The following CCDC141 variants were observed in gnomAD, a reference collection of about 807,000 sequenced individuals.
The protein encoded by CCDC141 is coiled-coil domain-containing protein 141.
In CCDC141, 168 loss-of-function variants were observed where a neutral mutation model predicts 181.0. That is an observed-to-expected ratio of 0.93 (90% CI 0.82 to 1.05). The LOEUF is 1.05. Among genes scored for constraint, CCDC141 ranks in the 50% least tolerant of loss-of-function variants. CCDC141 has a pLI of 0.00. For synonymous variants in CCDC141, 666 were observed against 642.3 expected (o/e 1.04, Z -0.56); for missense variants, 1,902 against 1,788.5 (o/e 1.06, Z -1.14).
intron 2 of CCDC141, among the ~76,000 whole-genome samples, chr2:179,026,614 A>C (rs2042853218): frequency 6.6e-6 from 1 of 152,220 alleles, no homozygotes; most frequent in Admixed American, 6.5e-5. Context: ...TACCCCCAGC[A>C]GCAGTGCCTA....
chr2:179,041,900 C>G (rs1432122217), intron 2 of CCDC141, among the ~76,000 whole-genome samples: 1 of 152,020 alleles, frequency 6.6e-6, no homozygotes, highest in African/African-American at 2.4e-5. Flanking sequence ...ACAGGAGTAC[C>G]CAGATTCATA....
intron 4 of CCDC141, 142 bp from the exon 5 acceptor site, chr2:178,961,625 A>G: frequency 1.3e-6 from 1 of 750,996 alleles, no homozygotes; most frequent in Non-Finnish European, 2.1e-6. Flanking sequence ...TAAAATATGT[A>G]AACAGAAACT....
chr2:178,922,468 T>G (rs966178341), intron 6 of CCDC141, among the ~76,000 whole-genome samples: 1 of 152,164 alleles, frequency 6.6e-6, no homozygotes, highest in Non-Finnish European at 1.5e-5. Flanking sequence ...ACCATATTAT[T>G]TTGGAATTGC....
chr2:178,882,624 G>A (rs1228784859), intron 11 of CCDC141, among the ~76,000 whole-genome samples: 1 of 152,062 alleles, frequency 6.6e-6, no homozygotes, highest in Non-Finnish European at 1.5e-5. Flanking sequence ...CATTGGATGA[G>A]ATTTAGGGAT....
intron 3 of CCDC141, among the ~76,000 whole-genome samples, chr2:178,977,471 A>C (rs556162167): frequency 2.0e-5 from 3 of 152,274 alleles, no homozygotes; most frequent in African/African-American, 7.2e-5. Flanking sequence ...GGGAAGAAAG[A>C]TGGTGTATGA....
chr2:178,988,459 TA>T (rs1233054207), intron 2 of CCDC141, among the ~76,000 whole-genome samples: 1 of 148,874 alleles, frequency 6.7e-6, no homozygotes, highest in East Asian at 1.9e-4. Flanking sequence ...CCCTAAAACT[TA>T]AAGTATAATA....
chr2:178,978,668 T>C lies in CCDC141; in HGVS notation c.233A>G (p.Glu78Gly). 6.5e-7 allele frequency: 1 copy of C among 1,535,382 alleles called. No individual in the cohort carries two copies. The highest frequency in any genetic ancestry group is 2.5e-5 in the East Asian group (1 of 40,054). The change falls in exon 3 of 24, where the codon GAA becomes GGA. Residue 78 changes from glutamate to glycine, a missense_variant. Physicochemically the swap from Glu to Gly is moderately conservative, Grantham distance 98. Transcript: ENST00000443758. ...ELLLAKLKAL[E>G]DRVWELLQEA... ...CTGCAAGAGTTCCCATACCCGATCT[T>C]CCAAAGCCTAAGTACAAAAGAAAAA...
intron 2 of CCDC141, among the ~76,000 whole-genome samples, chr2:179,015,412 A>AT (rs1559049649): frequency 1.7e-4 from 22 of 129,834 alleles, no homozygotes; most frequent in South Asian, 4.8e-4. Context: ...TCATATATGT[A>AT]CCATATATCT....
chr2:178,987,827 T>C (rs1203623564), intron 2 of CCDC141, among the ~76,000 whole-genome samples: 15 of 149,942 alleles, frequency 1.0e-4, no homozygotes, highest in Non-Finnish European at 1.5e-5. Flanking sequence ...CAACAGGTGC[T>C]GGAGAGGATG....
At chr2:178,914,674 G>T (rs907780432) in intron 7 of CCDC141, among the ~76,000 whole-genome samples, 1 of 152,170 alleles carries the variant, frequency 6.6e-6, no homozygotes, top group African/African-American at 2.4e-5. Context: ...CACAAATTTT[G>T]TAAGTTTTGT....
Position 178,865,655 on chromosome 2 carries a change from T to C in CCDC141, c.2724+112A>G, listed in dbSNP as rs78925638. 1,090 of 987,822 alleles carry C rather than the reference T, an allele frequency of 1.1e-3. 9 individuals are homozygous for C. The African/African-American group carries it at 0.017, about 15-fold the overall frequency. 61.2% of individuals were successfully genotyped at this position (987,822 alleles called of 1,614,324 possible). A position where few individuals can be genotyped will look rare whatever the true frequency, so the allele number is the denominator to read the frequency against. ...AGTGAGAAGAAAGTCTCCTGATTCATTGTGTGTTTGCATGTGTGTGGGAGT... is the reference window on the plus strand; with the variant it reads ...AGTGAGAAGAAAGTCTCCTGATTCACTGTGTGTTTGCATGTGTGTGGGAGT... On this transcript the variant is annotated intron_variant, in intron 17 of 23. Transcript: ENST00000443758.
intron 5 of CCDC141, among the ~76,000 whole-genome samples, chr2:178,948,136 G>A (rs1435753300): frequency 6.6e-6 from 1 of 151,968 alleles, no homozygotes; most frequent in Non-Finnish European, 1.5e-5. Context: ...GCAAAGTTGA[G>A]GCTGCAATGA....
At chr2:178,825,617 A>AC (rs1315207339), downstream of CCDC141, 2 of 57,498 alleles carry the variant, frequency 3.5e-5, no homozygotes, top group Non-Finnish European at 6.3e-5. Context: ...TCTGCCCCCC[A>AC]CCCCCCACCC....
intron 2 of CCDC141, among the ~76,000 whole-genome samples, chr2:178,999,083 C>T (rs1692411726): frequency 6.6e-6 from 1 of 152,100 alleles, no homozygotes; most frequent in Non-Finnish European, 1.5e-5. Context: ...AACACATGAG[C>T]TCTTAAATCT....
At chr2:179,032,473 C>T (rs1321691014) in intron 2 of CCDC141, among the ~76,000 whole-genome samples, 1 of 152,206 alleles carries the variant, frequency 6.6e-6, no homozygotes, top group African/African-American at 2.4e-5. Context: ...TTTTCCTCTG[C>T]TCACAACTAA....
rs907922793 is a variant in CCDC141 at position 178,952,571 on chromosome 2, G to A, written c.781-7920C>T. On this transcript the variant is annotated intron_variant, in intron 5 of 23. Transcript: ENST00000443758. ...CCTTTGAACTGCAGTGCCATTGGAA[G>A]CAATAGTCATTCGCATACATTCCAG... Among the ~76,000 whole-genome samples, 8 of 152,262 alleles carry A rather than the reference G, an allele frequency of 5.3e-5. No individual in the cohort carries two copies. In the East Asian group the frequency reaches 1.5e-3, roughly 29 times the overall value.
intron 2 of CCDC141, among the ~76,000 whole-genome samples, chr2:179,031,331 G>T (rs1048341440): frequency 1.3e-5 from 2 of 151,558 alleles, no homozygotes; most frequent in Non-Finnish European, 2.9e-5. Context: ...TTTAATATCT[G>T]TGGGGTTTAT....
At chr2:178,827,110 C>G (rs745923363), downstream of CCDC141, among the ~76,000 whole-genome samples, 2 of 151,906 alleles carry the variant, frequency 1.3e-5, no homozygotes, top group Non-Finnish European at 2.9e-5. Context: ...TTTTTTTGAT[C>G]TACATGTTAT....
chr2:178,858,166 T>C (rs752796702), intron 17 of CCDC141, among the ~76,000 whole-genome samples: 5 of 152,162 alleles, frequency 3.3e-5, no homozygotes, highest in Non-Finnish European at 7.4e-5. Flanking sequence ...AAATCAGTAA[T>C]GTTCAGAAAA....
Sources: gnomAD v4.1 joint callset for allele counts (sites outside exome capture counted in the v4.1 genomes callset) on GRCh38, gnomAD v4.1.1 for gene constraint, MANE v1.5 for transcripts, NCBI Gene and HGNC (gene_info 2026-07-23, HGNC 2026-07-21) for gene names.